Variants in PDGFC observed in about 807,000 individuals in gnomAD.
PDGFC encodes the protein platelet derived growth factor C.
In PDGFC, 12 loss-of-function variants were observed where a neutral mutation model predicts 35.5. The observed-to-expected ratio is 0.34, with a 90% CI of 0.22 to 0.55. The LOEUF is 0.55. Among genes scored for constraint, PDGFC ranks in the 20% least tolerant of loss-of-function variants. The pLI is 0.91. For synonymous variants in PDGFC, 159 were observed against 148.8 expected, an observed-to-expected ratio of 1.07 and a Z score of -0.50; for missense variants, 322 against 412.4, an observed-to-expected ratio of 0.78 and a Z score of 1.90.
At chr4:156,871,902 C>T (rs1579068848) in intron 1 of PDGFC, among the ~76,000 whole-genome samples, 1 of 151,712 alleles carries the variant, frequency 6.6e-6, no homozygotes, top group African/African-American at 2.4e-5. Flanking sequence ...GCTTATACTT[C>T]TGTACTACTG....
Position 156,965,022 on chromosome 4 carries a change from A to G in PDGFC, c.118+5764T>C, listed in dbSNP as rs79757397. Among the ~76,000 whole-genome samples, 14 of 152,314 alleles carry G rather than the reference A, an allele frequency of 9.2e-5. No homozygotes were observed. In the East Asian group the frequency reaches 2.7e-3, roughly 29 times the overall value. On this transcript the variant is annotated intron_variant, in intron 1 of 5. Coordinates refer to ENST00000502773, the MANE Select transcript of PDGFC (RefSeq NM_016205.3). ...GGCTATGCACAGCAATGACACTTAA[A>G]AGAGTAACCAGTTCTAGGAAACCTA...
chr4:156,812,799 A>T (rs1165339620), intron 2 of PDGFC, among the ~76,000 whole-genome samples: 2 of 152,080 alleles, frequency 1.3e-5, no homozygotes, highest in Non-Finnish European at 2.9e-5. Flanking sequence ...CATGTGCAGC[A>T]CCTAAAACAT....
intron 2 of PDGFC, among the ~76,000 whole-genome samples, chr4:156,838,115 TTCTG>T (rs1729107688): frequency 6.6e-6 from 1 of 152,248 alleles, no homozygotes; most frequent in South Asian, 2.1e-4. Flanking sequence ...GAGAACTTTA[TTCTG>T]TGTCCAGAAG....
rs760296041 is a variant in PDGFC, at chr4:156,897,088, C to T, written c.119-46672G>A. On this transcript the variant is annotated intron_variant, in intron 1 of 5. Coordinates refer to ENST00000502773, the MANE Select transcript of PDGFC (RefSeq NM_016205.3). The stretch of plus-strand genomic sequence containing the variant: ...ATAAAGAAATCTTAAAATGTACATA[C>T]TTCTATGTAAAATAGGAAGTAGGAG... 1.2e-3 allele frequency among the ~76,000 whole-genome samples: 187 copies of T among 152,182 alleles called. 1 individual carries two copies. The highest frequency in any genetic ancestry group is 2.3e-3 in the Non-Finnish European group (156 of 68,014).
intron 1 of PDGFC, among the ~76,000 whole-genome samples, chr4:156,920,229 C>T (rs576023260): frequency 6.6e-6 from 1 of 152,214 alleles, no homozygotes; most frequent in Non-Finnish European, 1.5e-5. Flanking sequence ...TTTATAGCAA[C>T]ACAAAACATA....
At chr4:156,964,077 A>T (rs1732405112) in intron 1 of PDGFC, among the ~76,000 whole-genome samples, 1 of 151,818 alleles carries the variant, frequency 6.6e-6, no homozygotes, top group Non-Finnish European at 1.5e-5. Flanking sequence ...TATTTCAAAA[A>T]TAATAGGTTA....
intron 2 of PDGFC, among the ~76,000 whole-genome samples, chr4:156,828,849 A>G (rs1405709862): frequency 6.6e-6 from 1 of 152,162 alleles, no homozygotes; most frequent in Non-Finnish European, 1.5e-5. Flanking sequence ...ACATAAAAAT[A>G]TCCAAAAAAA....
intron 1 of PDGFC, among the ~76,000 whole-genome samples, chr4:156,942,142 C>T (rs963175285): frequency 5.3e-5 from 8 of 152,012 alleles, no homozygotes; most frequent in Middle Eastern, 3.4e-3. Context: ...ATAAAAGGGC[C>T]GCCTGCATGT....
intron 2 of PDGFC, among the ~76,000 whole-genome samples, chr4:156,823,898 C>A (rs562359984): frequency 6.6e-6 from 1 of 152,128 alleles, no homozygotes; most frequent in South Asian, 2.1e-4. Context: ...TACTATACAG[C>A]CTTCAGAAAG....
intron 1 of PDGFC, among the ~76,000 whole-genome samples, chr4:156,852,378 C>A (rs1729478816): frequency 6.6e-6 from 1 of 152,152 alleles, no homozygotes; most frequent in Non-Finnish European, 1.5e-5. Flanking sequence ...TTAAACCCTA[C>A]ATGTTTCTTC....
chr4:156,917,162 T>C (rs887971851), intron 1 of PDGFC, among the ~76,000 whole-genome samples: 1 of 152,238 alleles, frequency 6.6e-6, no homozygotes, highest in African/African-American at 2.4e-5. Context: ...GAGACCACTC[T>C]TGACAGATGG....
At chr4:156,840,358 C>T (rs896247110) in intron 2 of PDGFC, among the ~76,000 whole-genome samples, 2 of 152,204 alleles carry the variant, frequency 1.3e-5, no homozygotes, top group African/African-American at 2.4e-5. Flanking sequence ...AGAGTGTAAG[C>T]CCCAAGCCTT....
chr4:156,821,670 C>G (rs1222616120), intron 2 of PDGFC, among the ~76,000 whole-genome samples: 1 of 152,196 alleles, frequency 6.6e-6, no homozygotes, highest in Non-Finnish European at 1.5e-5. Flanking sequence ...TCCTCAGCCT[C>G]TGGCGTAGCC....
At chr4:156,875,085 C>T (rs144923432) in intron 1 of PDGFC, among the ~76,000 whole-genome samples, 13 of 152,050 alleles carry the variant, frequency 8.5e-5, no homozygotes, top group African/African-American at 2.9e-4. Context: ...ATGTGTATGG[C>T]CATTCAGATA....
At chr4:156,907,993 C>T (rs1730956247) in intron 1 of PDGFC, among the ~76,000 whole-genome samples, 1 of 152,006 alleles carries the variant, frequency 6.6e-6, no homozygotes, top group Non-Finnish European at 1.5e-5. Context: ...ATGGTGAAAC[C>T]CCGTCTCTAC....
At chr4:156,833,221 T>C (rs1040866756) in intron 2 of PDGFC, among the ~76,000 whole-genome samples, 1 of 152,246 alleles carries the variant, frequency 6.6e-6, no homozygotes, top group African/African-American at 2.4e-5. Context: ...TGTTTCTTTC[T>C]TGTTTCACAA....
chr4:156,826,774 C>T (rs1728767827), intron 2 of PDGFC, among the ~76,000 whole-genome samples: 1 of 152,006 alleles, frequency 6.6e-6, no homozygotes, highest in Admixed American at 6.6e-5. Context: ...GACTTCAACC[C>T]TGATTTTAAA....
At chr4:156,911,344 T>C (rs914220071) in intron 1 of PDGFC, among the ~76,000 whole-genome samples, 2 of 152,118 alleles carry the variant, frequency 1.3e-5, no homozygotes, top group Non-Finnish European at 2.9e-5. Flanking sequence ...TGCTTAGTTT[T>C]TTTCTTTTAT....
At chr4:156,819,731 G>A (rs868091212) in intron 2 of PDGFC, among the ~76,000 whole-genome samples, 1 of 152,164 alleles carries the variant, frequency 6.6e-6, no homozygotes, top group African/African-American at 2.4e-5. Context: ...ATGGGCCAAG[G>A]AGTAATTCTG....
Sources: allele counts gnomAD v4.1 joint callset (sites outside exome capture counted in the v4.1 genomes callset), GRCh38; gene constraint gnomAD v4.1.1; transcripts MANE v1.5; gene names NCBI Gene and HGNC (gene_info 2026-07-23, HGNC 2026-07-21).